The following SLC35D2 variants were observed in gnomAD, a reference collection of about 807,000 sequenced individuals.
SLC35D2 encodes nucleotide sugar transporter SLC35D2.
SLC35D2 carries 43 observed loss-of-function variants against 41.8 expected under a neutral mutation model. That is an observed-to-expected ratio of 1.03 (90% confidence interval 0.81 to 1.33). The LOEUF (loss-of-function observed/expected upper bound fraction) is 1.33. Ranked by LOEUF, SLC35D2 falls within the 40% of genes most tolerant of loss-of-function variation. SLC35D2 has a pLI of 0.00. For missense variants in SLC35D2, 380 were observed against 408.4 expected, an observed-to-expected ratio of 0.93 and a Z score of 0.60; for synonymous variants, 150 against 163.9, an observed-to-expected ratio of 0.92 and a Z score of 0.65.
intron 10 of SLC35D2, among the ~76,000 whole-genome samples, chr9:96,322,371 A>T (rs1038083968): frequency 2.0e-5 from 3 of 152,020 alleles, no homozygotes; most frequent in African/African-American, 7.2e-5. Flanking sequence ...ATTTTTTAAA[A>T]GTAGCCGGGC....
In SLC35D2 at chr9:96,325,480, C is replaced by T. The variant is rs551386308; in HGVS notation, c.753-1311G>A. Among the ~76,000 whole-genome samples, 10 of 152,246 alleles carry T rather than the reference C, an allele frequency of 6.6e-5. No homozygotes were observed. The South Asian group carries it at 1.2e-3, about 19-fold the overall frequency. ...GGTGAATCACCTGAAGTCAGGAGTT[C>T]GAGACCAGCATGGCCAACATGGTGA... On this transcript the variant is annotated intron_variant, in intron 9 of 11. Transcript: ENST00000253270.
chr9:96,314,514 T>G (rs1828004339), exon 12 of SLC35D2: 1 of 152,138 alleles, frequency 6.6e-6, no homozygotes, highest in Non-Finnish European at 1.5e-5. Context: ...CTGCATGTTT[T>G]CACTTATAAG....
rs370600444 is a variant in SLC35D2 at position 96,364,761 on chromosome 9, C to T, written c.193-211G>A. 9.9e-5 allele frequency among the ~76,000 whole-genome samples: 15 copies of T among 152,072 alleles called. No homozygotes were observed. The South Asian group carries it at 3.1e-3, about 32-fold the overall frequency. ...TTCCATCAGAACTCCAGGCAAAAAACGTAACGTCGGGCAGGGCACGGTGGC... is the reference window on the plus strand; with the variant it reads ...TTCCATCAGAACTCCAGGCAAAAAATGTAACGTCGGGCAGGGCACGGTGGC... On this transcript the variant is annotated intron_variant, in intron 2 of 11. Transcript: ENST00000253270.
At chr9:96,368,153 C>T (rs2131002831) in intron 2 of SLC35D2, 119 bp downstream of exon 2, 1 of 652,834 alleles carries the variant, frequency 1.5e-6, no homozygotes, top group East Asian at 2.9e-5. Context: ...TACCATGACC[C>T]TCTGGTCCTC....
chr9:96,329,327 C>G (rs1320711124), intron 9 of SLC35D2, among the ~76,000 whole-genome samples: 5 of 151,996 alleles, frequency 3.3e-5, no homozygotes, highest in African/African-American at 1.2e-4. Context: ...AACTCCTGAG[C>G]TCAAGCAATC....
At chr9:96,381,566 T>G (rs1831200074) in intron 1 of SLC35D2, among the ~76,000 whole-genome samples, 1 of 152,032 alleles carries the variant, frequency 6.6e-6, no homozygotes, top group Admixed American at 6.6e-5. Flanking sequence ...CTCCCCTCCC[T>G]CTCTCCCTCA....
intron 1 of SLC35D2, among the ~76,000 whole-genome samples, chr9:96,382,697 G>A (rs1359290659): frequency 6.6e-6 from 1 of 151,952 alleles, no homozygotes; most frequent in Non-Finnish European, 1.5e-5. Flanking sequence ...AGGTCTCTTT[G>A]GGCTCTAAAA....
chr9:96,351,304 G>A, intron 5 of SLC35D2, 133 bp from the exon 6 acceptor site: 4 of 639,548 alleles, frequency 6.3e-6, no homozygotes, highest in South Asian at 5.7e-5. Flanking sequence ...AATGCTTGAT[G>A]CAGAGAAAGC....
chr9:96,315,750 T>C (rs1353174842), downstream of SLC35D2, among the ~76,000 whole-genome samples: 1 of 152,022 alleles, frequency 6.6e-6, no homozygotes, highest in Non-Finnish European at 1.5e-5. Context: ...TATTTTTCTT[T>C]TATGCCATGG....
chr9:96,372,546 C>A (rs1436872920), intron 1 of SLC35D2, among the ~76,000 whole-genome samples: 2 of 149,376 alleles, frequency 1.3e-5, no homozygotes, highest in Non-Finnish European at 3.0e-5. Flanking sequence ...CATATTGCTC[C>A]TCTCTGAGCT....
chr9:96,322,215 G>C, intron 10 of SLC35D2, 135 bp from the exon 11 acceptor site: 1 of 606,624 alleles, frequency 1.6e-6, no homozygotes, highest in Non-Finnish European at 2.9e-6. Context: ...ACAGGTGGTT[G>C]AACAAAATAA....
intron 4 of SLC35D2, among the ~76,000 whole-genome samples, chr9:96,355,189 T>G (rs1829970332): frequency 1.3e-5 from 2 of 151,904 alleles, no homozygotes; most frequent in Admixed American, 1.3e-4. Context: ...GGCTAATTTT[T>G]GTATTTTTAG....
At chr9:96,382,728 A>C (rs1440744834) in intron 1 of SLC35D2, among the ~76,000 whole-genome samples, 1 of 152,138 alleles carries the variant, frequency 6.6e-6, no homozygotes, top group African/African-American at 2.4e-5. Flanking sequence ...ATATTCTTGT[A>C]ACATAGTAGA....
intron 4 of SLC35D2, among the ~76,000 whole-genome samples, chr9:96,352,872 C>T (rs113421809): frequency 0.029 from 4,361 of 151,858 alleles, 81 homozygotes; most frequent in Middle Eastern, 0.058. Flanking sequence ...ACCCTGTTTC[C>T]ACTAAAAATA....
At chr9:96,383,325 T>C (rs1831287717) in intron 1 of SLC35D2, 152 bp downstream of exon 1, 2 of 488,082 alleles carry the variant, frequency 4.1e-6, no homozygotes, top group Non-Finnish European at 6.8e-6. Context: ...GAGCGAGTTC[T>C]GGAGGGCGCC....
intron 6 of SLC35D2, among the ~76,000 whole-genome samples, chr9:96,349,700 A>AT (rs1829731340): frequency 1.3e-5 from 2 of 151,824 alleles, no homozygotes; most frequent in African/African-American, 4.8e-5. Flanking sequence ...TAATTTTTGT[A>AT]TTTTTAGTAG....
chr9:96,352,365 A>C (rs1243323752), intron 4 of SLC35D2, among the ~76,000 whole-genome samples: 2 of 152,020 alleles, frequency 1.3e-5, no homozygotes, highest in Non-Finnish European at 2.9e-5. Context: ...TGTGTTGCCC[A>C]GGCTGTAGTG....
intron 9 of SLC35D2, 74 bp downstream of exon 9, chr9:96,336,643 C>G: frequency 1.1e-6 from 1 of 878,740 alleles, no homozygotes; most frequent in Non-Finnish European, 1.8e-6. Context: ...ACAGAATAGA[C>G]AGAAGGCATA....
chr9:96,346,878 T>C (rs1314229416), intron 6 of SLC35D2, among the ~76,000 whole-genome samples: 2 of 151,286 alleles, frequency 1.3e-5, no homozygotes, highest in African/African-American at 2.4e-5. Flanking sequence ...GGCTCCTGCC[T>C]GTAATCCCAG....
Sources: gnomAD v4.1 joint callset for allele counts (sites outside exome capture counted in the v4.1 genomes callset) on GRCh38, gnomAD v4.1.1 for gene constraint, MANE v1.5 for transcripts, NCBI Gene and HGNC (gene_info 2026-07-23, HGNC 2026-07-21) for gene names.